The following COL4A4 variants were observed in gnomAD, a reference collection of about 807,000 sequenced individuals.
COL4A4 encodes collagen alpha-4(IV) chain.
COL4A4 carries 105 observed loss-of-function variants against 192.9 expected under a neutral mutation model. The observed-to-expected ratio is 0.54, with a 90% CI of 0.46 to 0.64. COL4A4 has a LOEUF of 0.64. COL4A4 is among the 30% of genes least tolerant of loss of function. The probability of loss-of-function intolerance (pLI) is 0.00; values close to 1 mark genes in which losing one functional copy is unlikely to be tolerated. For synonymous variants in COL4A4, 762 were observed against 769.9 expected (o/e 0.99, Z 0.17); for missense variants, 1,967 against 2,169.3 (o/e 0.91, Z 1.85).
At chr2:227,032,303 T>C (rs769713275) in intron 38 of COL4A4, 27 bp from the exon 39 acceptor site, 2 of 1,600,964 alleles carry the variant, frequency 1.2e-6, no homozygotes, top group South Asian at 1.1e-5. Flanking sequence ...GAATTAATAC[T>C]ATATCTTCTC....
At chr2:227,042,123 T>C (rs745352093) in intron 37 of COL4A4, 25 bp downstream of exon 37, 6 of 1,421,700 alleles carry the variant, frequency 4.2e-6, no homozygotes, top group Non-Finnish European at 6.0e-6. Context: ...ATCTTTCTTG[T>C]GGGATGGGCT....
chr2:227,124,640 T>C (rs1487743854), intron 4 of COL4A4, among the ~76,000 whole-genome samples: 1 of 152,222 alleles, frequency 6.6e-6, no homozygotes, highest in East Asian at 1.9e-4. Context: ...ATACAAAGTG[T>C]AATTACGTGA....
chr2:227,017,726 T>G, intron 44 of COL4A4, among the ~76,000 whole-genome samples: 1 of 152,204 alleles, frequency 6.6e-6, no homozygotes, highest in Admixed American at 6.5e-5. Flanking sequence ...GTTTGTTCAT[T>G]TTTAGGTAAG....
At chr2:226,978,005 C>T in the COL4A4 span, among the ~76,000 whole-genome samples, 1 of 152,214 alleles carries the variant, frequency 6.6e-6, no homozygotes, top group African/African-American at 2.4e-5. Flanking sequence ...ATAAATGACT[C>T]ATAGAAGTAT....
At position 227,164,132 on chromosome 2, in the gene COL4A4, G is replaced by GC. The variant is rs970500230; in HGVS notation, c.-228dup. ...GCTCTCGCAGCCAAGCCCGGCGGCC[G>GC]CAAGTTGGAGGCGGGCTGGAGGCGG... On this transcript the variant is annotated 5_prime_UTR_variant, in exon 1 of 48. Transcript: ENST00000396625. This position sits in a 1 kb window ranked among gnomAD's most constrained non-coding sequence, Gnocchi z 4.8. 1.3e-5 allele frequency: 2 copies of GC among 152,410 alleles called. No individual in the cohort carries two copies. The highest frequency in any genetic ancestry group is 6.5e-5 in the Admixed American group (1 of 15,282). The allele number at this position is 152,410 out of a possible 1,614,324, so 9.4% of individuals were successfully genotyped here.
At chr2:226,997,152 C>G in the COL4A4 span, 1 of 152,108 alleles carries the variant, frequency 6.6e-6, no homozygotes, top group Admixed American at 6.5e-5. Context: ...CCTGGCTGGC[C>G]CAGTAATATC....
At chr2:227,113,582 G>GT (rs113293665) in intron 8 of COL4A4, among the ~76,000 whole-genome samples, 5,296 of 152,272 alleles carry the variant, frequency 0.035, 303 homozygotes, top group African/African-American at 0.12. Flanking sequence ...GGTTAAGGGA[G>GT]TTGCTTAAAG....
chr2:227,042,560 AAAACAAAC>A lies in COL4A4; in HGVS notation c.3398-313_3398-306del, dbSNP rs146714657. 5.7e-3 allele frequency among the ~76,000 whole-genome samples: 867 copies of A among 152,162 alleles called. 7 individuals carry two copies. Among genetic ancestry groups the A allele is most frequent in the African/African-American group, 0.02 (829 of 41,514 alleles). ...ATCTGCCTTAGGTCTAAAGGAGGGG[AAAACAAAC>A]AAACAAACAAACAAAACAGCATCCT... is the stretch of plus-strand genomic sequence containing the variant. On this transcript the variant is annotated intron_variant, in intron 36 of 47. Transcript: ENST00000396625.
intron 27 of COL4A4, 107 bp from the exon 28 acceptor site, chr2:227,059,730 A>G: frequency 1.1e-6 from 1 of 872,446 alleles, no homozygotes; most frequent in South Asian, 1.5e-5. Flanking sequence ...ACACAGGGGT[A>G]CTTACTAAAA....
rs771575941 is a variant in COL4A4 at position 227,032,187 on chromosome 2, G to A, written c.3667C>T (p.Pro1223Ser). Residue 1223 changes from proline (P) to serine (S), a missense_variant, in exon 39 of 48, where the codon CCA becomes TCA. Coordinates refer to ENST00000396625, the MANE Select transcript of COL4A4 (RefSeq NM_000092.5). ...GGACCTTTCTTTCCACGAGGACCTG[G>A]AGGAGAGATTCCTGGGCTCCCAGGG... is the stretch of plus-strand genomic sequence containing the variant. The part of the protein sequence containing the change: ...GDPGSPGISP[P>S]GPRGKKGPPG... 5 of 1,614,174 alleles carry A rather than the reference G, an allele frequency of 3.1e-6. No homozygotes were observed. The highest frequency in any genetic ancestry group is 3.4e-6 in the Non-Finnish European group (4 of 1,179,998).
chr2:227,101,452 A>G (rs1007566200), intron 17 of COL4A4, 52 bp downstream of exon 17: 8 of 1,342,580 alleles, frequency 6.0e-6, no homozygotes, highest in Non-Finnish European at 8.3e-6. Context: ...ATTAGATAAT[A>G]TTAAGGATAT....
chr2:227,090,872 C>T (rs1457283496), intron 20 of COL4A4, among the ~76,000 whole-genome samples: 2 of 144,896 alleles, frequency 1.4e-5, no homozygotes, highest in Non-Finnish European at 3.0e-5. Context: ...TTGGCAGATC[C>T]TTAAAAAAAA....
intron 28 of COL4A4, 109 bp from the exon 29 acceptor site, chr2:227,057,709 ATCAGTGT>A (rs1975823814): frequency 8.7e-7 from 1 of 1,151,858 alleles, no homozygotes; most frequent in Admixed American, 1.9e-5. Context: ...TTCATCCTGA[ATCAGTGT>A]TCAAATGGGT....
At chr2:227,031,923 C>A (rs1968504332) in intron 40 of COL4A4, 22 bp downstream of exon 40, 1 of 1,547,996 alleles carries the variant, frequency 6.5e-7, no homozygotes. Flanking sequence ...CACTGCCATC[C>A]TTTGTCATGA....
At chr2:227,044,346 C>T (rs1040594170) in intron 35 of COL4A4, among the ~76,000 whole-genome samples, 13 of 152,160 alleles carry the variant, frequency 8.5e-5, no homozygotes, top group Admixed American at 4.6e-4. Flanking sequence ...GAGTTTAATG[C>T]ACGTTTATGG....
chr2:227,144,641 C>T, intron 2 of COL4A4, 83 bp from the exon 3 acceptor site: 1 of 1,150,668 alleles, frequency 8.7e-7, no homozygotes. Flanking sequence ...GGAATTAATT[C>T]CAGAAAGCTA....
In COL4A4 at chr2:227,021,474, ACT is replaced by A. The variant is rs1965997661; in HGVS notation, c.4216+572_4216+573del. Reference sequence around the variant, plus strand: ...CCATGTTGTGCTAAGAGGTTTGAAAACTCTACATCCAAAAGCTGGCCAAGAAT... The same window carrying A: ...CCATGTTGTGCTAAGAGGTTTGAAAACTACATCCAAAAGCTGGCCAAGAAT... On this transcript the variant is annotated intron_variant, in intron 44 of 47. Transcript: ENST00000396625. Among the ~76,000 whole-genome samples the A allele has an allele frequency of 2.0e-5, 3 of 151,786 alleles. 1 individual carries two copies. The South Asian group carries it at 6.3e-4, about 32-fold the overall frequency.
intron 32 of COL4A4, 150 bp from the exon 33 acceptor site, chr2:227,051,308 G>A: frequency 2.5e-6 from 2 of 808,218 alleles, no homozygotes; most frequent in East Asian, 5.1e-5. Context: ...ATCATTTCTG[G>A]CTTCAGTGAC....
At chr2:227,095,233 TAGTG>T (rs2060147339) in intron 19 of COL4A4, among the ~76,000 whole-genome samples, 1 of 152,206 alleles carries the variant, frequency 6.6e-6, no homozygotes, top group Non-Finnish European at 1.5e-5. Context: ...TTAGCATACT[TAGTG>T]GGTAAAAATA....
Sources: allele counts gnomAD v4.1 joint callset (sites outside exome capture counted in the v4.1 genomes callset), GRCh38; gene constraint gnomAD v4.1.1; non-coding constraint Gnocchi (gnomAD v3.1); transcripts MANE v1.5; gene names NCBI Gene and HGNC (gene_info 2026-07-23, HGNC 2026-07-21).